Variants in CDO1 observed in about 807,000 individuals in gnomAD.
The protein encoded by CDO1 is cysteine dioxygenase type 1, also known as cysteine dioxygenase, type I.
CDO1 carries 19 observed loss-of-function variants against 24.5 expected under a neutral mutation model. That is an observed-to-expected ratio of 0.77 (90% confidence interval 0.54 to 1.14). The LOEUF is 1.14. Ranked by LOEUF, CDO1 falls within the 50% of genes most tolerant of loss-of-function variation. The pLI, the probability that CDO1 is intolerant of heterozygous loss-of-function variation, is 0.00. For synonymous variants in CDO1, 91 were observed against 87.0 expected, an observed-to-expected ratio of 1.05 and a Z score of -0.26; for missense variants, 244 against 244.8, an observed-to-expected ratio of 1.00 and a Z score of 0.02.
intron 1 of CDO1, chr5:115,813,768 C>G (rs1408891263): frequency 1.3e-5 from 2 of 153,726 alleles, no homozygotes; most frequent in Admixed American, 1.3e-4. Context: ...AAGTCTTCCA[C>G]AAATACCGTG....
At chr5:115,808,331 C>T (rs1048620883) in intron 3 of CDO1, among the ~76,000 whole-genome samples, 1 of 152,120 alleles carries the variant, frequency 6.6e-6, no homozygotes, top group African/African-American at 2.4e-5. Context: ...AGGAATTACC[C>T]TCATGGTTCT....
At position 115,816,187 on chromosome 5, in the gene CDO1, C is replaced by T. The variant is rs182476054; in HGVS notation, c.170+41G>A. The T allele has an allele frequency of 4.4e-6, 7 of 1,589,492 alleles. No individual in the cohort carries two copies. In the African/African-American group the frequency reaches 8.1e-5, roughly 18 times the overall value. On this transcript the variant is annotated intron_variant, in intron 1 of 4. Coordinates refer to ENST00000250535, the MANE Select transcript of CDO1 (RefSeq NM_001801.3). ...CACGTCCATTCCTCCTCAGACGGGG[C>T]GAGTGGGCGCCGCCTGGCATTGAAG... is the stretch of plus-strand genomic sequence containing the variant.
intron 4 of CDO1, 53 bp from the exon 5 acceptor site, chr5:115,805,515 T>C: frequency 6.6e-7 from 1 of 1,519,698 alleles, no homozygotes; most frequent in Non-Finnish European, 9.1e-7. Flanking sequence ...CAAAAGACAT[T>C]TTAACTCCTT....
intron 3 of CDO1, among the ~76,000 whole-genome samples, chr5:115,810,238 C>T (rs1271053063): frequency 1.3e-5 from 2 of 152,118 alleles, no homozygotes; most frequent in Non-Finnish European, 2.9e-5. Flanking sequence ...AGGAAACTAA[C>T]ATCCTTGTGT....
At chr5:115,814,446 C>G (rs1760335869) in intron 1 of CDO1, 1 of 152,188 alleles carries the variant, frequency 6.6e-6, no homozygotes, top group Admixed American at 6.5e-5. Context: ...ACTGGCCCTC[C>G]CAAAGTCAGA....
Position 115,805,479 on chromosome 5 carries a change from AAAAG to A in CDO1, c.574-21_574-18del. The A allele has an allele frequency of 1.2e-6, 2 of 1,613,270 alleles. No homozygotes were observed. Among genetic ancestry groups the A allele is most frequent in the African/African-American group, 1.3e-5 (1 of 74,972 alleles). ...CGAAGTTGCCTGTAAAAAAGGGAAAAAAAGAAAGCTGTGTAAGAAACTTTACAAA... is the reference window on the plus strand; with the variant it reads ...CGAAGTTGCCTGTAAAAAAGGGAAAAAAAGCTGTGTAAGAAACTTTACAAA... On this transcript the variant is annotated intron_variant, in intron 4 of 4. Transcript: ENST00000250535.
At chr5:115,812,557 CA>C (rs1760234934) in intron 2 of CDO1, among the ~76,000 whole-genome samples, 1 of 152,176 alleles carries the variant, frequency 6.6e-6, no homozygotes, top group Admixed American at 6.5e-5. Flanking sequence ...CCACAAATGT[CA>C]AGTGTAAACA....
chr5:115,810,416 A>G (rs950211966), intron 3 of CDO1, among the ~76,000 whole-genome samples: 1 of 152,204 alleles, frequency 6.6e-6, no homozygotes, highest in Non-Finnish European at 1.5e-5. Flanking sequence ...ATGCTGATGA[A>G]GAACATAGGT....
chr5:115,806,408 C>G lies in CDO1; in HGVS notation c.514G>C (p.Gly172Arg). The change falls in exon 4 of 5, where the codon GGA becomes CGA. Residue 172 changes from glycine (G) to arginine (R), a missense_variant. Coordinates refer to ENST00000250535, the MANE Select transcript of CDO1 (RefSeq NM_001801.3). The stretch of plus-strand genomic sequence containing the variant: ...GTCATTGTGACTTTGTTTTTATGTC[C>G]TGTTCTTTGATCAAAGGCATGGCAT... ...DTCHAFDQRT[G>R]HKNKVTMTFH... 1.2e-6 allele frequency: 2 copies of G among 1,610,796 alleles called. No homozygotes were observed. Among genetic ancestry groups the G allele is most frequent in the Non-Finnish European group, 1.7e-6 (2 of 1,178,866 alleles).
At chr5:115,807,113 A>T (rs990265554) in intron 3 of CDO1, among the ~76,000 whole-genome samples, 1 of 152,206 alleles carries the variant, frequency 6.6e-6, no homozygotes, top group African/African-American at 2.4e-5. Flanking sequence ...CAGGTGAAAA[A>T]CAGGTGAATT....
chr5:115,810,765 G>A (rs1004972528), intron 3 of CDO1, among the ~76,000 whole-genome samples: 1 of 152,156 alleles, frequency 6.6e-6, no homozygotes, highest in Non-Finnish European at 1.5e-5. Context: ...TATGCTATAT[G>A]TATTTTAGAA....
rs200689665 is a variant in CDO1, at chr5:115,813,176, T to G, written c.248+5A>C. ...TAAATATCTGTGAATGAATAGTTATTTTACCTGCCATGTCCTTCACCCCAA... is the reference window on the plus strand; with the variant it reads ...TAAATATCTGTGAATGAATAGTTATGTTACCTGCCATGTCCTTCACCCCAA... On this transcript the variant is annotated splice_donor_5th_base_variant and intron_variant, in intron 2 of 4. Coordinates refer to ENST00000250535, the MANE Select transcript of CDO1 (RefSeq NM_001801.3). 19 of 1,532,958 alleles carry G rather than the reference T, an allele frequency of 1.2e-5. No individual in the cohort carries two copies. The Middle Eastern group carries it at 5.1e-4, about 41-fold the overall frequency. 95.0% of individuals were successfully genotyped at this position (1,532,958 alleles called of 1,614,324 possible). A position where few individuals can be genotyped will look rare whatever the true frequency, so the allele number is the denominator to read the frequency against.
At chr5:115,813,350 C>T (rs1400605865) in intron 1 of CDO1, 92 bp from the exon 2 acceptor site, 1 of 686,264 alleles carries the variant, frequency 1.5e-6, no homozygotes, top group Non-Finnish European at 2.6e-6. Context: ...CATTTATTCA[C>T]AAATGTTAAC....
At chr5:115,815,783 G>C (rs60326315) in intron 1 of CDO1, among the ~76,000 whole-genome samples, 17,711 of 152,202 alleles carry the variant, frequency 0.12, 3,275 homozygotes, top group African/African-American at 0.39. Flanking sequence ...CCGGCCAGAC[G>C]GTTCCTTAAG....
chr5:115,811,612 C>A (rs1760192266), intron 2 of CDO1, among the ~76,000 whole-genome samples: 1 of 152,006 alleles, frequency 6.6e-6, no homozygotes, highest in Non-Finnish European at 1.5e-5. Flanking sequence ...AACACAAAAC[C>A]AGCAACACTT....
chr5:115,809,393 C>A (rs901374248), intron 3 of CDO1, among the ~76,000 whole-genome samples: 2 of 152,046 alleles, frequency 1.3e-5, no homozygotes, highest in African/African-American at 4.8e-5. Context: ...GGTCTCCTTG[C>A]CCCAGTCCTC....
chr5:115,814,208 T>C (rs1324244559), intron 1 of CDO1: 1 of 152,192 alleles, frequency 6.6e-6, no homozygotes, highest in Non-Finnish European at 1.5e-5. Flanking sequence ...TAGAGGGAGT[T>C]ACTTAGTAAG....
In CDO1 at chr5:115,816,438, T is replaced by C. The variant is rs1480814183; in HGVS notation, c.-41A>G. ...CTGCGCGCGCGTCTCACTGCTGGGC[T>C]GCGGTGGAGGAGCTGAGCGAGCCAA... On this transcript the variant is annotated 5_prime_UTR_variant, in exon 1 of 5. Transcript: ENST00000250535. 36 of 1,604,152 alleles carry C rather than the reference T, an allele frequency of 2.2e-5. No individual in the cohort carries two copies. The highest frequency in any genetic ancestry group is 3.0e-5 in the Non-Finnish European group (35 of 1,177,758).
intron 3 of CDO1, among the ~76,000 whole-genome samples, chr5:115,810,335 T>C (rs1292342331): frequency 6.6e-6 from 1 of 152,112 alleles, no homozygotes; most frequent in African/African-American, 2.4e-5. Flanking sequence ...GTAAGATTTA[T>C]GGAGAAAAAA....
Sources: allele counts gnomAD v4.1 joint callset (sites outside exome capture counted in the v4.1 genomes callset), GRCh38; gene constraint gnomAD v4.1.1; transcripts MANE v1.5; gene names NCBI Gene and HGNC (gene_info 2026-07-23, HGNC 2026-07-21).